Variants in TTC33 observed in about 807,000 individuals in gnomAD.
TTC33 encodes the protein tetratricopeptide repeat domain 33.
Under a neutral mutation model 29.4 loss-of-function variants are expected in TTC33, and 24 were observed. That is an observed-to-expected ratio of 0.82 (90% confidence interval 0.59 to 1.15). The LOEUF (loss-of-function observed/expected upper bound fraction) is 1.15. Ranked by LOEUF, TTC33 falls within the 50% of genes most tolerant of loss-of-function variation. TTC33 has a pLI of 0.00. For missense variants in TTC33, 286 were observed against 310.4 expected (o/e 0.92, Z 0.59); for synonymous variants, 107 against 100.3 (o/e 1.07, Z -0.40).
rs528528719 is a variant in TTC33 at position 40,746,659 on chromosome 5, T to G, written c.221+139A>C. The G allele has an allele frequency of 1.6e-5, 11 of 670,588 alleles. No individual in the cohort carries two copies. In the African/African-American group the frequency reaches 1.9e-4, roughly 11 times the overall value. The allele number at this position is 670,588 out of a possible 1,614,324, so 41.5% of individuals were successfully genotyped here. ...ATTTTTCAGGTGACTTTGAAACACC[T>G]TATTTCTTTGATTAATTTAGCACCT... On this transcript the variant is annotated intron_variant, in intron 2 of 4. Coordinates refer to ENST00000337702, the MANE Select transcript of TTC33 (RefSeq NM_012382.3).
intron 1 of TTC33, among the ~76,000 whole-genome samples, chr5:40,755,331 T>C (rs1307827300): frequency 6.6e-6 from 1 of 152,132 alleles, no homozygotes; most frequent in East Asian, 1.9e-4. Context: ...AGGTGAGGAA[T>C]CCAAGAAACG....
intron 4 of TTC33, among the ~76,000 whole-genome samples, chr5:40,725,784 CTT>C (rs35070396): frequency 1.7e-4 from 22 of 126,006 alleles, no homozygotes; most frequent in Non-Finnish European, 2.7e-4. Flanking sequence ...TTCTCTTCAG[CTT>C]TTTTTTTTTT....
At chr5:40,733,597 A>G (rs1292040425) in intron 2 of TTC33, among the ~76,000 whole-genome samples, 1 of 152,168 alleles carries the variant, frequency 6.6e-6, no homozygotes, top group Non-Finnish European at 1.5e-5. Flanking sequence ...TTATCACCCC[A>G]TAGAAGGCAT....
intron 1 of TTC33, among the ~76,000 whole-genome samples, chr5:40,751,824 G>T (rs1447606849): frequency 6.6e-6 from 1 of 152,142 alleles, no homozygotes; most frequent in African/African-American, 2.4e-5. Flanking sequence ...GGGCGTGGTG[G>T]CGCACGCCTG....
intron 2 of TTC33, among the ~76,000 whole-genome samples, chr5:40,731,402 G>T (rs564553460): frequency 6.6e-6 from 1 of 151,958 alleles, no homozygotes; most frequent in African/African-American, 2.4e-5. Context: ...TCACTCTCAC[G>T]CTGCAATAAA....
rs1026926865 is a variant in TTC33 at position 40,712,479 on chromosome 5, G to A, written c.*3666C>T. ...TAAGTTTACTGCTGAAAAAGGCTAGGTTAGAGGATGTACTTTAAGTTTATG... is the reference window on the plus strand; with the variant it reads ...TAAGTTTACTGCTGAAAAAGGCTAGATTAGAGGATGTACTTTAAGTTTATG... On this transcript the variant is annotated 3_prime_UTR_variant, in exon 5 of 5. Coordinates refer to ENST00000337702, the MANE Select transcript of TTC33 (RefSeq NM_012382.3). Among the ~76,000 whole-genome samples the A allele has an allele frequency of 2.0e-5, 3 of 152,108 alleles. No individual in the cohort carries two copies. Among genetic ancestry groups the A allele is most frequent in the Admixed American group, 1.3e-4 (2 of 15,250 alleles).
chr5:40,727,063 C>T (rs187331809), intron 4 of TTC33, among the ~76,000 whole-genome samples: 1 of 152,212 alleles, frequency 6.6e-6, no homozygotes, highest in East Asian at 1.9e-4. Flanking sequence ...CAATTATTTT[C>T]TCATACAAAT....
chr5:40,741,114 A>G (rs1469896412), intron 2 of TTC33, among the ~76,000 whole-genome samples: 1 of 152,172 alleles, frequency 6.6e-6, no homozygotes, highest in East Asian at 1.9e-4. Context: ...ACTCTTTGGC[A>G]TGTCCAGTAA....
At chr5:40,738,567 TATAAAATA>T (rs1173394521) in intron 2 of TTC33, among the ~76,000 whole-genome samples, 2 of 67,592 alleles carry the variant, frequency 3.0e-5, no homozygotes, top group African/African-American at 1.0e-4. Flanking sequence ...TAAAATAAAA[TATAAAATA>T]AAATAAAATA....
At chr5:40,753,410 G>A (rs1742932521) in intron 1 of TTC33, among the ~76,000 whole-genome samples, 1 of 151,600 alleles carries the variant, frequency 6.6e-6, no homozygotes, top group Non-Finnish European at 1.5e-5. Context: ...TATACAGGCT[G>A]ATAATATAAG....
At chr5:40,717,488 C>T (rs1362928656) in intron 4 of TTC33, among the ~76,000 whole-genome samples, 1 of 152,146 alleles carries the variant, frequency 6.6e-6, no homozygotes, top group Non-Finnish European at 1.5e-5. Context: ...TCAACCTCAG[C>T]ACTACTGACA....
At chr5:40,733,067 A>G (rs1262010489) in intron 2 of TTC33, among the ~76,000 whole-genome samples, 2 of 152,206 alleles carry the variant, frequency 1.3e-5, no homozygotes, top group Non-Finnish European at 2.9e-5. Flanking sequence ...ATCCTAAGAC[A>G]AAAGTGGTAA....
rs1038430830 is a variant in TTC33 at position 40,715,021 on chromosome 5, A to C, written c.*1124T>G. 6.6e-6 allele frequency: 1 copy of C among 152,068 alleles called. No homozygotes were observed. The highest frequency in any genetic ancestry group is 2.4e-5 in the African/African-American group (1 of 41,434). 9.4% of individuals were successfully genotyped at this position (152,068 alleles called of 1,614,324 possible). ...TGAATATGACTGTGGACTTTCAATA[A>C]AATTTTTTTTAATATAGCCTTTTCA... is the stretch of plus-strand genomic sequence containing the variant. On this transcript the variant is annotated 3_prime_UTR_variant, in exon 5 of 5. Transcript: ENST00000337702.
intron 1 of TTC33, among the ~76,000 whole-genome samples, chr5:40,748,471 C>T (rs1742840756): frequency 6.6e-6 from 1 of 152,196 alleles, no homozygotes; most frequent in African/African-American, 2.4e-5. Flanking sequence ...GCTGGGATTA[C>T]AGGCGTGAGC....
intron 1 of TTC33, among the ~76,000 whole-genome samples, chr5:40,751,951 C>T (rs1171923020): frequency 7.4e-6 from 1 of 135,558 alleles, no homozygotes; most frequent in Middle Eastern, 3.5e-3. Flanking sequence ...AGTGAAACTC[C>T]GTCTCAAAAG....
Position 40,716,466 on chromosome 5 carries a change from G to T in TTC33, c.468C>A (p.Ile156=). The change falls in exon 5 of 5, where the codon ATC becomes ATA. Residue 156 remains isoleucine, a synonymous_variant. Transcript: ENST00000337702. ...TCCATATTTCAGGGTTCATTGGATA[G>T]ATGTGAAGGGCTACTTGAAAACTTC... ...AIRSFQVALH[I]YPMNPEIWKE... The T allele has an allele frequency of 1.2e-6, 2 of 1,602,922 alleles. No individual in the cohort carries two copies. Among genetic ancestry groups the T allele is most frequent in the Non-Finnish European group, 1.7e-6 (2 of 1,175,482 alleles).
intron 3 of TTC33, among the ~76,000 whole-genome samples, chr5:40,729,197 A>G (rs1742365841): frequency 6.6e-6 from 1 of 152,250 alleles, no homozygotes; most frequent in Admixed American, 6.5e-5. Context: ...TGAAAAAGGA[A>G]TACAAATGAA....
rs1741979401 is a variant in TTC33, at chr5:40,715,450, A to C, written c.*695T>G. 1 of 152,340 alleles carries C rather than the reference A, an allele frequency of 6.6e-6. No homozygotes were observed. The highest frequency in any genetic ancestry group is 2.4e-5 in the African/African-American group (1 of 41,466). 9.4% of individuals were successfully genotyped at this position (152,340 alleles called of 1,614,324 possible). A position where few individuals can be genotyped will look rare whatever the true frequency, so the allele number is the denominator to read the frequency against. ...GATTACTTACTGTAACAATTAAAAA[A>C]TAAAACCATCATTCTCATATTTATC... On this transcript the variant is annotated 3_prime_UTR_variant, in exon 5 of 5. Transcript: ENST00000337702.
In TTC33 at chr5:40,716,086, T is replaced by C. The variant is rs1438431352; in HGVS notation, c.*59A>G. The C allele has an allele frequency of 2.9e-6, 4 of 1,373,026 alleles. No homozygotes were observed. Among genetic ancestry groups the C allele is most frequent in the East Asian group, 2.3e-5 (1 of 42,602 alleles). The allele number at this position is 1,373,026 out of a possible 1,614,324, so 85.1% of individuals were successfully genotyped here. A position where few individuals can be genotyped will look rare whatever the true frequency, so the allele number is the denominator to read the frequency against. ...TCTATCTCCAGAGTAAATGTCTCTATGTCAAAACTTCAAGAGGCAATCAAA... is the reference window on the plus strand; with the variant it reads ...TCTATCTCCAGAGTAAATGTCTCTACGTCAAAACTTCAAGAGGCAATCAAA... On this transcript the variant is annotated 3_prime_UTR_variant, in exon 5 of 5. Transcript: ENST00000337702.
Sources: gnomAD v4.1 joint callset for allele counts (sites outside exome capture counted in the v4.1 genomes callset) on GRCh38, gnomAD v4.1.1 for gene constraint, MANE v1.5 for transcripts, NCBI Gene and HGNC (gene_info 2026-07-23, HGNC 2026-07-21) for gene names.